Variants in PTPRQ observed in about 807,000 individuals in gnomAD.
The protein encoded by PTPRQ is phosphatidylinositol phosphatase PTPRQ.
A neutral mutation model predicts 246.0 loss-of-function variants in PTPRQ; 199 were observed. That is an observed-to-expected ratio of 0.81 (90% CI 0.72 to 0.91). The LOEUF is 0.91. Ranked by LOEUF, PTPRQ falls within the 40% of genes least tolerant of loss-of-function variation. The probability of loss-of-function intolerance (pLI) is 0.00; values close to 1 mark genes in which losing one functional copy is unlikely to be tolerated. For synonymous variants in PTPRQ, 869 were observed against 853.2 expected, an observed-to-expected ratio of 1.02 and a Z score of -0.32; for missense variants, 2,624 against 2,528.4, an observed-to-expected ratio of 1.04 and a Z score of -0.81.
In PTPRQ at chr12:80,669,267, G is replaced by A. The variant is rs545604235; in HGVS notation, c.6328-72G>A. On this transcript the variant is annotated intron_variant, in intron 40 of 44. Coordinates refer to ENST00000644991, the MANE Select transcript of PTPRQ (RefSeq NM_001145026.2). ...TCTATAAAGTAATTTTAACTTAGTC[G>A]TAATAACTGTGGTATACATATATAT... The A allele has an allele frequency of 1.8e-4, 272 of 1,529,996 alleles. 1 individual carries two copies. The highest frequency in any genetic ancestry group is 1.7e-3 in the African/African-American group (122 of 71,538). 94.8% of individuals were successfully genotyped at this position (1,529,996 alleles called of 1,614,324 possible). A position where few individuals can be genotyped will look rare whatever the true frequency, so the allele number is the denominator to read the frequency against.
chr12:80,641,500 A>G (rs1330270937), intron 35 of PTPRQ, among the ~76,000 whole-genome samples: 1 of 152,188 alleles, frequency 6.6e-6, no homozygotes, highest in Non-Finnish European at 1.5e-5. Flanking sequence ...AGCCCGGTCT[A>G]TTTCTAATCT....
chr12:80,468,587 C>T (rs188319910), intron 6 of PTPRQ, 123 bp from the exon 7 acceptor site: 3 of 974,788 alleles, frequency 3.1e-6, no homozygotes, highest in Admixed American at 3.9e-5. Flanking sequence ...GATAAAAAAA[C>T]TCTGCTTTTA....
rs1901244621 is a variant in PTPRQ at position 80,679,287 on chromosome 12, AT to A, written c.*268del. 1 of 303,800 alleles carries A rather than the reference AT, an allele frequency of 3.3e-6. No individual in the cohort carries two copies. The highest frequency in any genetic ancestry group is 2.2e-5 in the African/African-American group (1 of 46,330). The allele number at this position is 303,800 out of a possible 1,614,324, so 18.8% of individuals were successfully genotyped here. A position where few individuals can be genotyped will look rare whatever the true frequency, so the allele number is the denominator to read the frequency against. On this transcript the variant is annotated 3_prime_UTR_variant, in exon 45 of 45. Coordinates refer to ENST00000644991, the MANE Select transcript of PTPRQ (RefSeq NM_001145026.2). Reference sequence around the variant, plus strand: ...CCCATATGTTTTTGAAGTCCTCCATATTTTGGAATAAGCCAAATAGAAAATT... The same window carrying A: ...CCCATATGTTTTTGAAGTCCTCCATATTTGGAATAAGCCAAATAGAAAATT...
intron 25 of PTPRQ, among the ~76,000 whole-genome samples, chr12:80,553,815 A>G (rs1431640775): frequency 6.6e-6 from 1 of 152,196 alleles, no homozygotes; most frequent in Admixed American, 6.5e-5. Flanking sequence ...CAATACAAAT[A>G]ATACAGCAAG....
intron 33 of PTPRQ, among the ~76,000 whole-genome samples, chr12:80,627,345 T>TATAATA (rs10646490): frequency 0.026 from 3,719 of 143,290 alleles, 87 homozygotes; most frequent in South Asian, 0.058. Context: ...ACTCAATTTT[T>TATAATA]ATAATAATAA....
chr12:80,666,325 A>G (rs1340527525), intron 39 of PTPRQ, among the ~76,000 whole-genome samples: 1 of 152,068 alleles, frequency 6.6e-6, no homozygotes, highest in Non-Finnish European at 1.5e-5. Context: ...ACAGAAAAAT[A>G]AATACCACAT....
intron 5 of PTPRQ, among the ~76,000 whole-genome samples, chr12:80,459,819 C>T (rs918225321): frequency 3.3e-5 from 5 of 151,750 alleles, no homozygotes; most frequent in Non-Finnish European, 4.4e-5. Context: ...GTGGCATTCC[C>T]GGTGGAGGAT....
At chr12:80,449,480 G>T (rs193218066) in intron 3 of PTPRQ, among the ~76,000 whole-genome samples, 5 of 152,252 alleles carry the variant, frequency 3.3e-5, no homozygotes, top group African/African-American at 1.2e-4. Flanking sequence ...TAATGCCTAG[G>T]TTTACTTCTA....
intron 8 of PTPRQ, among the ~76,000 whole-genome samples, chr12:80,477,868 C>T (rs913053955): frequency 9.2e-5 from 14 of 152,202 alleles, no homozygotes; most frequent in African/African-American, 3.4e-4. Flanking sequence ...ACACCTGGCT[C>T]GGAGGGTCCT....
At chr12:80,647,797 T>C (rs1234810783) in intron 35 of PTPRQ, among the ~76,000 whole-genome samples, 1 of 152,156 alleles carries the variant, frequency 6.6e-6, no homozygotes, top group Non-Finnish European at 1.5e-5. Context: ...TCACTGCTAC[T>C]TTGTCACTTA....
At chr12:80,675,555 G>T (rs1327019205) in intron 43 of PTPRQ, among the ~76,000 whole-genome samples, 1 of 152,142 alleles carries the variant, frequency 6.6e-6, no homozygotes, top group East Asian at 1.9e-4. Flanking sequence ...TAGGATAGAG[G>T]ATGGAACTGA....
intron 32 of PTPRQ, among the ~76,000 whole-genome samples, chr12:80,621,611 T>C (rs1269829161): frequency 6.6e-6 from 1 of 152,076 alleles, no homozygotes; most frequent in Non-Finnish European, 1.5e-5. Flanking sequence ...ATTTTCTTAA[T>C]GTGTTTATAT....
intron 24 of PTPRQ, among the ~76,000 whole-genome samples, chr12:80,548,938 T>C (rs1455032093): frequency 6.6e-6 from 1 of 152,084 alleles, no homozygotes; most frequent in Non-Finnish European, 1.5e-5. Flanking sequence ...CAATGATGTC[T>C]ACAAAAGGTA....
At chr12:80,620,420 G>A (rs762856862) in intron 32 of PTPRQ, 44 bp downstream of exon 32, 11 of 1,541,836 alleles carry the variant, frequency 7.1e-6, no homozygotes, top group Non-Finnish European at 7.9e-6. Flanking sequence ...TAGCAAGCTA[G>A]TTAGTATCTT....
At chr12:80,500,580 G>A (rs187596718) in intron 14 of PTPRQ, among the ~76,000 whole-genome samples, 1 of 152,118 alleles carries the variant, frequency 6.6e-6, no homozygotes, top group East Asian at 1.9e-4. Context: ...TTCAAGCATA[G>A]CATCACAAAT....
chr12:80,472,181 C>T lies in PTPRQ; in HGVS notation c.1116C>T (p.Val372=). ...TNLTPFTMYD[V]YIAAETSAGT... ...TAACACCATTTACAATGTATGATGT[C>T]TATATTGCGGCTGAAACCAGTGCAG... Residue 372 remains valine, a synonymous_variant, in exon 8 of 45, where the codon GTC becomes GTT. Coordinates refer to ENST00000644991, the MANE Select transcript of PTPRQ (RefSeq NM_001145026.2). The T allele has an allele frequency of 6.4e-7, 1 of 1,551,544 alleles. No homozygotes were observed. The highest frequency in any genetic ancestry group is 8.7e-7 in the Non-Finnish European group (1 of 1,146,958).
At chr12:80,521,506 T>G (rs1895485336) in intron 17 of PTPRQ, among the ~76,000 whole-genome samples, 2 of 152,244 alleles carry the variant, frequency 1.3e-5, no homozygotes, top group Non-Finnish European at 2.9e-5. Context: ...GTCTGACATT[T>G]AAGTCTTTAA....
At chr12:80,672,462 G>A in intron 42 of PTPRQ, among the ~76,000 whole-genome samples, 1 of 151,712 alleles carries the variant, frequency 6.6e-6, no homozygotes, top group Admixed American at 6.6e-5. Context: ...ATATTTATAA[G>A]ACTAGATGAA....
At chr12:80,455,614 G>A (rs1182190130) in intron 3 of PTPRQ, among the ~76,000 whole-genome samples, 1 of 145,876 alleles carries the variant, frequency 6.9e-6, no homozygotes, top group East Asian at 2.0e-4. Context: ...TTTTTGAGAT[G>A]GACTCTCGCT....
Sources: allele counts gnomAD v4.1 joint callset (sites outside exome capture counted in the v4.1 genomes callset), GRCh38; gene constraint gnomAD v4.1.1; transcripts MANE v1.5; gene names NCBI Gene and HGNC (gene_info 2026-07-23, HGNC 2026-07-21).